The following CTDSPL2 variants were observed in gnomAD, a reference collection of about 807,000 sequenced individuals.
CTDSPL2 encodes the protein CTD small phosphatase-like protein 2.
A neutral mutation model predicts 60.0 loss-of-function variants in CTDSPL2; 5 were observed. That is an observed-to-expected ratio of 0.08 (90% CI 0.04 to 0.18). CTDSPL2 has a LOEUF of 0.18. Ranked by LOEUF, CTDSPL2 falls within the 10% of genes least tolerant of loss-of-function variation. CTDSPL2 has a pLI of 1.00. For synonymous variants in CTDSPL2, 186 were observed against 189.3 expected (o/e 0.98, Z 0.14); for missense variants, 370 against 548.8 (o/e 0.67, Z 3.26).
intron 11 of CTDSPL2, 55 bp from the exon 12 acceptor site, chr15:44,521,256 C>A (rs2081762119): frequency 2.3e-6 from 2 of 884,838 alleles, no homozygotes; most frequent in Non-Finnish European, 3.5e-6. Flanking sequence ...TAACTTTTTC[C>A]AAACTAGGTA....
intron 1 of CTDSPL2, among the ~76,000 whole-genome samples, chr15:44,455,531 C>T (rs1251026293): frequency 6.6e-6 from 1 of 151,904 alleles, no homozygotes; most frequent in Non-Finnish European, 1.5e-5. Flanking sequence ...AGTTTTTGCC[C>T]ATTCAGTATG....
intron 1 of CTDSPL2, among the ~76,000 whole-genome samples, chr15:44,445,301 C>G (rs578161006): frequency 6.6e-6 from 1 of 152,198 alleles, no homozygotes; most frequent in Non-Finnish European, 1.5e-5. Flanking sequence ...GATCCTCCCA[C>G]CTCAGCCTCC....
intron 8 of CTDSPL2, among the ~76,000 whole-genome samples, chr15:44,506,125 G>T (rs2081458876): frequency 1.3e-5 from 2 of 149,780 alleles, no homozygotes; most frequent in Non-Finnish European, 1.5e-5. Context: ...TGCCTCCCAG[G>T]TTCAAGAAAT....
At chr15:44,442,819 T>C (rs749035282) in intron 1 of CTDSPL2, among the ~76,000 whole-genome samples, 5 of 151,858 alleles carry the variant, frequency 3.3e-5, no homozygotes, top group Non-Finnish European at 7.4e-5. Context: ...CTACAAAAGA[T>C]TAAAAAATTA....
chr15:44,450,062 C>T lies in CTDSPL2; in HGVS notation c.-24-8929C>T, dbSNP rs534155372. On this transcript the variant is annotated intron_variant, in intron 1 of 12. Coordinates refer to ENST00000260327, the MANE Select transcript of CTDSPL2 (RefSeq NM_016396.3). ...GATCCTTATGTCTCCTTAAGCATTCCGTTAGATTCTACATTACTTTTCTTC... is the reference window on the plus strand; with the variant it reads ...GATCCTTATGTCTCCTTAAGCATTCTGTTAGATTCTACATTACTTTTCTTC... Among the ~76,000 whole-genome samples, 31 of 151,960 alleles carry T rather than the reference C, an allele frequency of 2.0e-4. No homozygotes were observed. In the South Asian group the frequency reaches 5.8e-3, roughly 29 times the overall value.
intron 2 of CTDSPL2, among the ~76,000 whole-genome samples, chr15:44,461,482 G>T (rs911229310): frequency 1.3e-5 from 2 of 150,762 alleles, no homozygotes; most frequent in African/African-American, 4.9e-5. Context: ...TTGAACTCCT[G>T]AGCTGAGTTG....
chr15:44,507,485 C>G (rs928752447), intron 8 of CTDSPL2, among the ~76,000 whole-genome samples: 1 of 152,130 alleles, frequency 6.6e-6, no homozygotes, highest in Non-Finnish European at 1.5e-5. Context: ...ACAAATACTA[C>G]CCCCAGCATC....
At chr15:44,484,476 T>A in intron 3 of CTDSPL2, 114 bp downstream of exon 3, 1 of 988,818 alleles carries the variant, frequency 1.0e-6, no homozygotes, top group Non-Finnish European at 1.5e-6. Flanking sequence ...GGCTCATGCC[T>A]GTAATCCTCA....
intron 4 of CTDSPL2, among the ~76,000 whole-genome samples, chr15:44,490,536 T>C (rs763223929): frequency 2.0e-5 from 3 of 152,194 alleles, no homozygotes; most frequent in African/African-American, 4.8e-5. Flanking sequence ...ATACCTCTGG[T>C]TGAAAAATTA....
At chr15:44,500,757 A>G (rs1217564675) in intron 8 of CTDSPL2, among the ~76,000 whole-genome samples, 1 of 152,144 alleles carries the variant, frequency 6.6e-6, no homozygotes, top group Non-Finnish European at 1.5e-5. Context: ...TTAAGAGTTA[A>G]ATAGAAGTTT....
chr15:44,445,643 CTT>C (rs1022016361), intron 1 of CTDSPL2, among the ~76,000 whole-genome samples: 1 of 142,200 alleles, frequency 7.0e-6, no homozygotes, highest in Non-Finnish European at 1.5e-5. Context: ...TTTTTTTTTG[CTT>C]TTTTTTTTTT....
intron 12 of CTDSPL2, among the ~76,000 whole-genome samples, chr15:44,523,731 C>A (rs1261656754): frequency 6.6e-6 from 1 of 152,128 alleles, no homozygotes; most frequent in African/African-American, 2.4e-5. Flanking sequence ...AACCTTGCCT[C>A]TACAAAAATT....
intron 1 of CTDSPL2, among the ~76,000 whole-genome samples, chr15:44,439,103 C>G (rs1289431180): frequency 6.6e-6 from 1 of 151,256 alleles, no homozygotes; most frequent in Non-Finnish European, 1.5e-5. Context: ...CCTAAGCATA[C>G]TCATTTTCCC....
intron 1 of CTDSPL2, among the ~76,000 whole-genome samples, chr15:44,457,787 T>G (rs1410774462): frequency 3.3e-5 from 5 of 152,182 alleles, no homozygotes; most frequent in Non-Finnish European, 7.3e-5. Context: ...AATTTTTGTA[T>G]TTTTAGTAGA....
chr15:44,474,605 C>T (rs908227805), intron 2 of CTDSPL2, among the ~76,000 whole-genome samples: 5 of 152,134 alleles, frequency 3.3e-5, no homozygotes, highest in African/African-American at 1.2e-4. Context: ...CCTGTAATTC[C>T]AGCACTTTGG....
At chr15:44,456,881 T>TTTTTTTG (rs2080457745) in intron 1 of CTDSPL2, among the ~76,000 whole-genome samples, 1 of 146,114 alleles carries the variant, frequency 6.8e-6, no homozygotes, top group African/African-American at 2.6e-5. Flanking sequence ...TTTTTTTGTT[T>TTTTTTTG]TTTTTTCTTT....
At chr15:44,522,041 C>T (rs948707328) in intron 12 of CTDSPL2, among the ~76,000 whole-genome samples, 1 of 145,988 alleles carries the variant, frequency 6.8e-6, no homozygotes, top group Non-Finnish European at 1.5e-5. Flanking sequence ...TGTGCATTTT[C>T]AAACTTTTTT....
At chr15:44,523,126 A>C (rs1396209761) in intron 12 of CTDSPL2, among the ~76,000 whole-genome samples, 1 of 152,042 alleles carries the variant, frequency 6.6e-6, no homozygotes, top group Non-Finnish European at 1.5e-5. Context: ...TCTTCCAAGT[A>C]GCTGGGATTA....
intron 1 of CTDSPL2, among the ~76,000 whole-genome samples, chr15:44,433,910 G>A (rs1374725611): frequency 6.9e-6 from 1 of 145,348 alleles, no homozygotes; most frequent in African/African-American, 2.6e-5. Flanking sequence ...TCGAGATTGC[G>A]CCACTGCACT....
Sources: gnomAD v4.1 joint callset for allele counts (sites outside exome capture counted in the v4.1 genomes callset) on GRCh38, gnomAD v4.1.1 for gene constraint, MANE v1.5 for transcripts, NCBI Gene and HGNC (gene_info 2026-07-23, HGNC 2026-07-21) for gene names.